Variants in SORCS3 observed in about 807,000 individuals in gnomAD.
SORCS3 encodes sortilin related VPS10 domain containing receptor 3, also known as VPS10 domain-containing receptor SorCS3.
SORCS3 carries 57 observed loss-of-function variants against 146.3 expected under a neutral mutation model. The ratio of observed to expected loss-of-function variants is 0.39; its 90% CI spans 0.31 to 0.49. The LOEUF is 0.49. Ranked by LOEUF, SORCS3 falls within the 20% of genes least tolerant of loss-of-function variation. The probability of loss-of-function intolerance (pLI) is 0.92; values close to 1 mark genes in which losing one functional copy is unlikely to be tolerated. For missense variants in SORCS3, 1,341 were observed against 1,575.5 expected, an observed-to-expected ratio of 0.85 and a Z score of 2.52; for synonymous variants, 653 against 618.5, an observed-to-expected ratio of 1.06 and a Z score of -0.83.
intron 20 of SORCS3, among the ~76,000 whole-genome samples, chr10:105,240,131 G>A (rs1386055883): frequency 6.6e-6 from 1 of 152,154 alleles, no homozygotes; most frequent in Non-Finnish European, 1.5e-5. Flanking sequence ...CCCTTGCTGG[G>A]CCCTGGATCT....
rs547049233 is a variant in SORCS3, at chr10:105,264,327, A to G, written c.*953A>G. ...TCCTCTCTAAAAGGAAAAACTTGATATTTATCAGTCTGAGAAAATATTTTT... is the reference window on the plus strand; with the variant it reads ...TCCTCTCTAAAAGGAAAAACTTGATGTTTATCAGTCTGAGAAAATATTTTT... On this transcript the variant is annotated 3_prime_UTR_variant, in exon 27 of 27. Coordinates refer to ENST00000369701, the MANE Select transcript of SORCS3 (RefSeq NM_014978.3). The G allele has an allele frequency of 1.7e-4, 26 of 152,314 alleles. 1 individual carries two copies. In the South Asian group the frequency reaches 5.0e-3, roughly 29 times the overall value. The allele number at this position is 152,314 out of a possible 1,614,324, so 9.4% of individuals were successfully genotyped here.
intron 9 of SORCS3, among the ~76,000 whole-genome samples, chr10:105,153,764 C>T (rs144179215): frequency 8.5e-4 from 129 of 151,754 alleles, no homozygotes; most frequent in African/African-American, 2.4e-3. Context: ...CCCAGTATAC[C>T]TGGATGGATA....
intron 2 of SORCS3, among the ~76,000 whole-genome samples, chr10:104,883,020 G>A (rs1029620938): frequency 6.6e-6 from 1 of 152,196 alleles, no homozygotes; most frequent in African/African-American, 2.4e-5. Context: ...AAGGTTACAG[G>A]TGGCTGTGCC....
chr10:104,723,281 G>A (rs2016574282), intron 1 of SORCS3, among the ~76,000 whole-genome samples: 1 of 152,172 alleles, frequency 6.6e-6, no homozygotes, highest in South Asian at 2.1e-4. Flanking sequence ...CCATGTAGTT[G>A]AGCAGTTTTG....
intron 1 of SORCS3, among the ~76,000 whole-genome samples, chr10:104,826,227 A>C (rs1037236243): frequency 1.3e-5 from 2 of 152,186 alleles, no homozygotes; most frequent in East Asian, 3.9e-4. Context: ...AGTGGTTGGC[A>C]CTTAGTAGGT....
chr10:105,155,992 G>A (rs189167701), intron 9 of SORCS3, among the ~76,000 whole-genome samples: 91 of 152,234 alleles, frequency 6.0e-4, no homozygotes, highest in Non-Finnish European at 9.1e-4. Flanking sequence ...ATTAAATTAT[G>A]TCATTTGAAA....
rs1387481164 is a variant in SORCS3 at position 105,164,364 on chromosome 10, C to T, written c.1794C>T (p.Gly598=). The T allele has an allele frequency of 6.2e-7, 1 of 1,612,702 alleles. No homozygotes were observed. The highest frequency in any genetic ancestry group is 8.5e-7 in the Non-Finnish European group (1 of 1,178,960). Residue 598 remains glycine (G), a synonymous_variant, in exon 12 of 27, where the codon GGC becomes GGT. Coordinates refer to ENST00000369701, the MANE Select transcript of SORCS3 (RefSeq NM_014978.3). ...DIGVFISSDG[G]NTWRQIFDEE... ...GTGTGTTCATCTCCTCCGATGGGGG[C>T]AACACATGGAGACAGGTAACTGGGT...
At chr10:104,896,628 C>A (rs190625738) in intron 2 of SORCS3, among the ~76,000 whole-genome samples, 49 of 152,282 alleles carry the variant, frequency 3.2e-4, no homozygotes, top group Non-Finnish European at 5.1e-4. Flanking sequence ...GGCCCACAGG[C>A]CAAATGTAGC....
At position 105,043,134 on chromosome 10, in the gene SORCS3, C is replaced by T. The variant is rs367893593; in HGVS notation, c.1028+6C>T. The stretch of plus-strand genomic sequence containing the variant: ...ACACCCAACAGGTTTTATTGGTAAG[C>T]CCTATCCACACACTCATTACTTCTT... On this transcript the variant is annotated splice_donor_region_variant and intron_variant, in intron 5 of 26. Transcript: ENST00000369701. The T allele has an allele frequency of 6.2e-6, 10 of 1,611,656 alleles. No individual in the cohort carries two copies. The African/African-American group carries it at 1.1e-4, about 17-fold the overall frequency.
chr10:104,954,635 T>C (rs1421889896), intron 3 of SORCS3, among the ~76,000 whole-genome samples: 4 of 152,278 alleles, frequency 2.6e-5, no homozygotes, highest in South Asian at 2.1e-4. Flanking sequence ...GGAACTGTCA[T>C]GTACATCAGC....
At chr10:105,014,060 T>C (rs2055150252) in intron 4 of SORCS3, among the ~76,000 whole-genome samples, 1 of 130,910 alleles carries the variant, frequency 7.6e-6, no homozygotes, top group Admixed American at 7.3e-5. Flanking sequence ...AGCACAGATC[T>C]AAATATACAT....
intron 1 of SORCS3, among the ~76,000 whole-genome samples, chr10:104,787,985 G>A (rs2017457408): frequency 6.6e-6 from 1 of 152,174 alleles, no homozygotes; most frequent in African/African-American, 2.4e-5. Flanking sequence ...TGTGGCCTGG[G>A]CAGCCTCCTT....
chr10:104,733,057 A>G (rs868749016), intron 1 of SORCS3, among the ~76,000 whole-genome samples: 1 of 152,226 alleles, frequency 6.6e-6, no homozygotes, highest in Non-Finnish European at 1.5e-5. Context: ...TTTGATTTCC[A>G]TGCAAGAACT....
chr10:104,831,281 T>C (rs1342811399), intron 1 of SORCS3, among the ~76,000 whole-genome samples: 1 of 152,152 alleles, frequency 6.6e-6, no homozygotes, highest in Non-Finnish European at 1.5e-5. Flanking sequence ...CCCAAAGTAG[T>C]TGTGAAGCTA....
chr10:105,099,425 A>C (rs1392631734), intron 6 of SORCS3, among the ~76,000 whole-genome samples: 1 of 152,234 alleles, frequency 6.6e-6, no homozygotes, highest in Non-Finnish European at 1.5e-5. Flanking sequence ...CTTGATGTCT[A>C]GGAAGTTTGA....
At chr10:105,053,867 G>A (rs1456833401) in intron 5 of SORCS3, among the ~76,000 whole-genome samples, 1 of 151,786 alleles carries the variant, frequency 6.6e-6, no homozygotes, top group Non-Finnish European at 1.5e-5. Context: ...ATTTGTTCAA[G>A]GTCTGATTAT....
intron 1 of SORCS3, among the ~76,000 whole-genome samples, chr10:104,802,381 T>G (rs2017633597): frequency 1.3e-5 from 2 of 152,168 alleles, no homozygotes; most frequent in Admixed American, 1.3e-4. Flanking sequence ...CTTGTAATAG[T>G]TTTTGGAATT....
chr10:104,889,251 G>A (rs937715378), intron 2 of SORCS3, among the ~76,000 whole-genome samples: 4 of 145,306 alleles, frequency 2.8e-5, no homozygotes, highest in Admixed American at 2.7e-4. Context: ...GAGGAGTGTA[G>A]ACATTTTATA....
At chr10:105,262,904 G>A (rs533833554) in intron 26 of SORCS3, among the ~76,000 whole-genome samples, 5 of 152,060 alleles carry the variant, frequency 3.3e-5, no homozygotes, top group African/African-American at 4.8e-5. Context: ...ATTCCTGATC[G>A]GTGAAATGGG....
Sources: gnomAD v4.1 joint callset for allele counts (sites outside exome capture counted in the v4.1 genomes callset) on GRCh38, gnomAD v4.1.1 for gene constraint, MANE v1.5 for transcripts, NCBI Gene and HGNC (gene_info 2026-07-23, HGNC 2026-07-21) for gene names.